Variants in ZNF513 observed in about 807,000 individuals in gnomAD.
ZNF513 encodes the protein zinc finger protein 513.
A neutral mutation model predicts 39.7 loss-of-function variants in ZNF513; 16 were observed. The ratio of observed to expected loss-of-function variants is 0.40; its 90% confidence interval spans 0.27 to 0.61. The LOEUF (loss-of-function observed/expected upper bound fraction) is 0.61. ZNF513 is among the 20% of genes least tolerant of loss of function. The pLI, the probability that ZNF513 is intolerant of heterozygous loss-of-function variation, is 0.39. For synonymous variants in ZNF513, 348 were observed against 296.5 expected (o/e 1.17, Z -1.79); for missense variants, 699 against 743.6 (o/e 0.94, Z 0.70).
At chr2:27,379,145 T>A in intron 2 of ZNF513, 91 bp from the exon 3 acceptor site, 1 of 1,280,918 alleles carries the variant, frequency 7.8e-7, no homozygotes, top group Non-Finnish European at 1.1e-6. Flanking sequence ...CCCACTTGCT[T>A]GGCTCCACCC....
chr2:27,378,855 C>T lies in ZNF513; in HGVS notation c.411G>A (p.Gly137=), dbSNP rs1683481462. Residue 137 remains glycine, a synonymous_variant, in exon 3 of 4, where the codon GGG becomes GGA. Coordinates refer to ENST00000323703, the MANE Select transcript of ZNF513 (RefSeq NM_144631.6). The surrounding 1 kb of genome is among the most constrained non-coding windows in gnomAD (Gnocchi z 8.0). The part of the protein sequence containing the change: ...TGEGPCCGAG[G]PGGGPLLPPR... ...GGGGCAGCAGGGGCCCCCCACCCGG[C>T]CCTCCTGCCCCACAACACGGCCCCT... is the stretch of plus-strand genomic sequence containing the variant. The T allele has an allele frequency of 6.2e-7, 1 of 1,604,976 alleles. No individual in the cohort carries two copies. The highest frequency in any genetic ancestry group is 1.3e-5 in the African/African-American group (1 of 74,732).
Position 27,377,620 on chromosome 2 carries a change from G to A in ZNF513, c.1551C>T (p.Pro517=). The A allele has an allele frequency of 1.2e-6, 2 of 1,614,136 alleles. No homozygotes were observed. Among genetic ancestry groups the A allele is most frequent in the Middle Eastern group, 1.7e-4 (1 of 6,058 alleles). ...GTGGGCCCCGAGAGCTCAAAACAGA[G>A]GGTGGGCTATGAGGTGGGGCCCAGC... ...SEGWAPPHSP[P]SVLSSRGPPA... Residue 517 remains proline (P), a synonymous_variant, in exon 4 of 4, where the codon CCC becomes CCT. Transcript: ENST00000323703. This position sits in a 1 kb window ranked among gnomAD's most constrained non-coding sequence, Gnocchi z 4.4.
Position 27,377,370 on chromosome 2 carries a change from T to G in ZNF513, c.*175A>C. On this transcript the variant is annotated 3_prime_UTR_variant, in exon 4 of 4. Coordinates refer to ENST00000323703, the MANE Select transcript of ZNF513 (RefSeq NM_144631.6). The surrounding 1 kb of genome is among the most constrained non-coding windows in gnomAD (Gnocchi z 4.4). ...GAATACAGGGCCCTTCTCACTGAGC[T>G]CGTGAAGTGCCTCAGTCAAGGCAAG... The G allele has an allele frequency of 1.4e-6, 1 of 739,668 alleles. No individual in the cohort carries two copies. The highest frequency in any genetic ancestry group is 2.4e-6 in the Non-Finnish European group (1 of 419,394). The allele number at this position is 739,668 out of a possible 1,614,324, so 45.8% of individuals were successfully genotyped here.
chr2:27,379,028 G>A lies in ZNF513; in HGVS notation c.238C>T (p.Leu80Phe), dbSNP rs370755297. The change falls in exon 3 of 4, where the codon CTT becomes TTT. Residue 80 changes from leucine (L) to phenylalanine (F), a missense_variant. By Grantham distance (22) the Leu-to-Phe change is conservative. Coordinates refer to ENST00000323703, the MANE Select transcript of ZNF513 (RefSeq NM_144631.6). ...TCATCGTCGCTCAGCCCATAGGGAA[G>A]CCCAGGCCTGGCCCCCAGAGAGTCT... The part of the protein sequence containing the change: ...EGDSLGARPG[L>F]PYGLSDDESG... 5.0e-6 allele frequency: 8 copies of A among 1,612,898 alleles called. No individual in the cohort carries two copies. Among genetic ancestry groups the A allele is most frequent in the Non-Finnish European group, 6.8e-6 (8 of 1,179,972 alleles).
rs1433482541 is a variant in ZNF513, at chr2:27,377,620, G to C, written c.1551C>G (p.Pro517=). The C allele has an allele frequency of 1.2e-6, 2 of 1,614,136 alleles. No individual in the cohort carries two copies. The highest frequency in any genetic ancestry group is 1.3e-5 in the African/African-American group (1 of 75,064). The change falls in exon 4 of 4, where the codon CCC becomes CCG. Residue 517 remains proline (P), a synonymous_variant. Coordinates refer to ENST00000323703, the MANE Select transcript of ZNF513 (RefSeq NM_144631.6). The surrounding 1 kb of genome is among the most constrained non-coding windows in gnomAD (Gnocchi z 4.4). ...SEGWAPPHSP[P]SVLSSRGPPA... ...GTGGGCCCCGAGAGCTCAAAACAGA[G>C]GGTGGGCTATGAGGTGGGGCCCAGC... is the stretch of plus-strand genomic sequence containing the variant.
Position 27,378,010 on chromosome 2 carries a change from G to A in ZNF513, c.1161C>T (p.Pro387=). ...CATAAGGACAGCGGGCGCAGCGGAAGGGCTTCTCACCACTGTGTGTCTTCA... is the reference window on the plus strand; with the variant it reads ...CATAAGGACAGCGGGCGCAGCGGAAAGGCTTCTCACCACTGTGTGTCTTCA... The part of the protein sequence containing the change: ...RHMKTHSGEK[P]FRCARCPYAS... Residue 387 remains proline, a synonymous_variant, in exon 4 of 4, where the codon CCC becomes CCT. Transcript: ENST00000323703. This position sits in a 1 kb window ranked among gnomAD's most constrained non-coding sequence, Gnocchi z 8.0. The A allele has an allele frequency of 1.9e-6, 3 of 1,612,642 alleles. No individual in the cohort carries two copies. Among genetic ancestry groups the A allele is most frequent in the Admixed American group, 1.7e-5 (1 of 59,968 alleles).
rs750366020 is a variant in ZNF513, at chr2:27,379,070, TAAGAA to T, written c.212-21_212-17del. The T allele has an allele frequency of 6.2e-7, 1 of 1,610,640 alleles. No homozygotes were observed. Among genetic ancestry groups the T allele is most frequent in the South Asian group, 1.1e-5 (1 of 90,958 alleles). On this transcript the variant is annotated splice_polypyrimidine_tract_variant and intron_variant, in intron 2 of 3. Transcript: ENST00000323703. Reference sequence around the variant, plus strand: ...AGAGAGTCTCCTGGTGAAATAGACATAAGAAGAGACATCAGCATAGGGTAGGATCA... The same window carrying T: ...AGAGAGTCTCCTGGTGAAATAGACATGAGACATCAGCATAGGGTAGGATCA...
At position 27,378,130 on chromosome 2, in the gene ZNF513, A is replaced by T. The variant is rs200250222; in HGVS notation, c.1041T>A (p.Gly347=). 5 of 1,612,776 alleles carry T rather than the reference A, an allele frequency of 3.1e-6. No homozygotes were observed. Among genetic ancestry groups the T allele is most frequent in the East Asian group, 2.2e-5 (1 of 44,838 alleles). The part of the protein sequence containing the change: ...GRCMRGEAGG[G]ASGGPQGPSD... Reference sequence around the variant, plus strand: ...TGGGGCCCTGGGGCCCCCCACTGGCACCCCCTCCAGCCTCTCCTCGCATGC... The same window carrying T: ...TGGGGCCCTGGGGCCCCCCACTGGCTCCCCCTCCAGCCTCTCCTCGCATGC... The change falls in exon 4 of 4, where the codon GGT becomes GGA. Residue 347 remains glycine, a synonymous_variant. Transcript: ENST00000323703. This position sits in a 1 kb window ranked among gnomAD's most constrained non-coding sequence, Gnocchi z 8.0.
chr2:27,377,361 T>C lies in ZNF513; in HGVS notation c.*184A>G. The stretch of plus-strand genomic sequence containing the variant: ...AGTGGAGGTGAATACAGGGCCCTTC[T>C]CACTGAGCTCGTGAAGTGCCTCAGT... On this transcript the variant is annotated 3_prime_UTR_variant, in exon 4 of 4. Transcript: ENST00000323703. This position sits in a 1 kb window ranked among gnomAD's most constrained non-coding sequence, Gnocchi z 4.4. 1 of 727,878 alleles carries C rather than the reference T, an allele frequency of 1.4e-6. No individual in the cohort carries two copies. Among genetic ancestry groups the C allele is most frequent in the East Asian group, 2.7e-5 (1 of 37,434 alleles). 45.1% of individuals were successfully genotyped at this position (727,878 alleles called of 1,614,324 possible).
At chr2:27,379,951 CAAAT>C (rs749491182) in intron 2 of ZNF513, 138 bp downstream of exon 2, 27 of 1,146,198 alleles carry the variant, frequency 2.4e-5, no homozygotes, top group Non-Finnish European at 3.5e-5. Context: ...GACCATTAAA[CAAAT>C]GAAGTCATCT....
chr2:27,377,437 CTGGTCCTTATAGTGCCTACGTTAGTCTG>C lies in ZNF513; in HGVS notation c.*80_*107del, dbSNP rs1558310171. 7.8e-7 allele frequency: 1 copy of C among 1,275,548 alleles called. No homozygotes were observed. The highest frequency in any genetic ancestry group is 1.2e-5 in the South Asian group (1 of 81,218). The allele number at this position is 1,275,548 out of a possible 1,614,324, so 79.0% of individuals were successfully genotyped here. On this transcript the variant is annotated 3_prime_UTR_variant, in exon 4 of 4. Transcript: ENST00000323703. This position sits in a 1 kb window ranked among gnomAD's most constrained non-coding sequence, Gnocchi z 4.4. ...GGGCCCCCCCGCCCATGGGGTTGGGCTGGTCCTTATAGTGCCTACGTTAGTCTGTGTGGAGCCCCTGGCCAGCGGGGGA... is the reference window on the plus strand; with the variant it reads ...GGGCCCCCCCGCCCATGGGGTTGGGCTGTGGAGCCCCTGGCCAGCGGGGGA...
chr2:27,378,298 C>T lies in ZNF513; in HGVS notation c.873G>A (p.Gln291=). The part of the protein sequence containing the change: ...GGASFLPDCG[Q]LRGEGEGLCG... ...AGAGGCCCTCCCCTTCACCCCGCAGCTGCCCACAGTCTGGCAGGAAACTGG... is the reference window on the plus strand; with the variant it reads ...AGAGGCCCTCCCCTTCACCCCGCAGTTGCCCACAGTCTGGCAGGAAACTGG... Residue 291 remains glutamine (Q), a synonymous_variant, in exon 4 of 4, where the codon CAG becomes CAA. Transcript: ENST00000323703. The surrounding 1 kb of genome is among the most constrained non-coding windows in gnomAD (Gnocchi z 8.0). 6.2e-7 allele frequency: 1 copy of T among 1,600,992 alleles called. No individual in the cohort carries two copies. The highest frequency in any genetic ancestry group is 1.1e-5 in the South Asian group (1 of 91,090).
At position 27,378,369 on chromosome 2, in the gene ZNF513, C is replaced by T; in HGVS notation, c.802G>A (p.Ala268Thr). ...AGGCTCAAATCTGGAAGGAGCAGAG[C>T]ATCTGTGGGGACAAAGACCTGGGCT... is the stretch of plus-strand genomic sequence containing the variant. ...EGAVPRRPED[A>T]LLLPDLSLHV... Residue 268 changes from alanine to threonine, a missense_variant and splice_region_variant, in exon 4 of 4, where the codon GCT becomes ACT. This residue lies in a region of ZNF513 where 530 missense variants were observed against 499.3 expected (regional missense o/e 1.06). Coordinates refer to ENST00000323703, the MANE Select transcript of ZNF513 (RefSeq NM_144631.6). This position sits in a 1 kb window ranked among gnomAD's most constrained non-coding sequence, Gnocchi z 8.0. 3 of 1,604,550 alleles carry T rather than the reference C, an allele frequency of 1.9e-6. No individual in the cohort carries two copies. Among genetic ancestry groups the T allele is most frequent in the Non-Finnish European group, 2.5e-6 (3 of 1,179,962 alleles).
chr2:27,378,696 G>A lies in ZNF513; in HGVS notation c.570C>T (p.Leu190=), dbSNP rs375241916. The A allele has an allele frequency of 1.9e-5, 30 of 1,613,688 alleles. No individual in the cohort carries two copies. Among genetic ancestry groups the A allele is most frequent in the South Asian group, 4.4e-5 (4 of 91,088 alleles). Residue 190 remains leucine, a synonymous_variant, in exon 3 of 4, where the codon CTC becomes CTT. Coordinates refer to ENST00000323703, the MANE Select transcript of ZNF513 (RefSeq NM_144631.6). This position sits in a 1 kb window ranked among gnomAD's most constrained non-coding sequence, Gnocchi z 8.0. The part of the protein sequence containing the change: ...CGRCPYASAQ[L]VNLTRHTRTH... ...TGCGGGTATGTCGTGTCAGGTTGAC[G>A]AGCTGGGCTGAGGCGTAGGGGCAGC... is the stretch of plus-strand genomic sequence containing the variant.
Position 27,378,950 on chromosome 2 carries a change from TGG to T in ZNF513, c.314_315del (p.Ala105GlufsTer9). On this transcript the variant is annotated frameshift_variant, in exon 3 of 4. Coordinates refer to ENST00000323703, the MANE Select transcript of ZNF513 (RefSeq NM_144631.6). LOFTEE classifies it high-confidence loss of function. This position sits in a 1 kb window ranked among gnomAD's most constrained non-coding sequence, Gnocchi z 8.0. ...LSAESEVEEP[A>X]RGPGEARGER... ...TCACCCCTGGCCTCCCCTGGACCCC[TGG>T]CTGGCTCCTCAACTTCACTCTCCGC... 6.2e-7 allele frequency: 1 copy of T among 1,611,710 alleles called. No homozygotes were observed. Among genetic ancestry groups the T allele is most frequent in the Non-Finnish European group, 8.5e-7 (1 of 1,178,986 alleles).
rs962394772 is a variant in ZNF513, at chr2:27,377,385, G to C, written c.*160C>G. On this transcript the variant is annotated 3_prime_UTR_variant, in exon 4 of 4. Transcript: ENST00000323703. The surrounding 1 kb of genome is among the most constrained non-coding windows in gnomAD (Gnocchi z 4.4). ...CTCACTGAGCTCGTGAAGTGCCTCA[G>C]TCAAGGCAAGGTCCCCTGGTCCATA... The C allele has an allele frequency of 1.3e-6, 1 of 797,170 alleles. No homozygotes were observed. Among genetic ancestry groups the C allele is most frequent in the Non-Finnish European group, 2.1e-6 (1 of 471,586 alleles). The allele number at this position is 797,170 out of a possible 1,614,324, so 49.4% of individuals were successfully genotyped here.
rs562063271 is a variant in ZNF513 at position 27,377,457 on chromosome 2, G to A, written c.*88C>T. 2.2e-5 allele frequency: 31 copies of A among 1,440,500 alleles called. 1 individual carries two copies. The highest frequency in any genetic ancestry group is 2.0e-4 in the South Asian group (17 of 86,548). 89.2% of individuals were successfully genotyped at this position (1,440,500 alleles called of 1,614,324 possible). A position where few individuals can be genotyped will look rare whatever the true frequency, so the allele number is the denominator to read the frequency against. On this transcript the variant is annotated 3_prime_UTR_variant, in exon 4 of 4. Coordinates refer to ENST00000323703, the MANE Select transcript of ZNF513 (RefSeq NM_144631.6). This position sits in a 1 kb window ranked among gnomAD's most constrained non-coding sequence, Gnocchi z 4.4. ...TTGGGCTGGTCCTTATAGTGCCTAC[G>A]TTAGTCTGTGTGGAGCCCCTGGCCA... is the stretch of plus-strand genomic sequence containing the variant.
At chr2:27,379,211 A>T (rs112742231) in intron 2 of ZNF513, among the ~76,000 whole-genome samples, 157 bp from the exon 3 acceptor site, 2 of 152,292 alleles carry the variant, frequency 1.3e-5, no homozygotes, top group African/African-American at 4.8e-5. Flanking sequence ...CCCCTGCAGT[A>T]ATTCCAGAAA....
chr2:27,378,244 C>T lies in ZNF513; in HGVS notation c.927G>A (p.Glu309=), dbSNP rs570663121. Residue 309 remains glutamate, a synonymous_variant, in exon 4 of 4, where the codon GAG becomes GAA. Transcript: ENST00000323703. The surrounding 1 kb of genome is among the most constrained non-coding windows in gnomAD (Gnocchi z 8.0). The part of the protein sequence containing the change: ...LCGTGSEPLP[E]LLFPWTCRGC... ...CCCGGCAGGTCCAAGGGAATAGCAG[C>T]TCTGGCAGTGGTTCTGATCCAGTCC... 9 of 1,602,866 alleles carry T rather than the reference C, an allele frequency of 5.6e-6. No individual in the cohort carries two copies. The Admixed American group carries it at 1.2e-4, about 21-fold the overall frequency.
Sources: gnomAD v4.1 joint callset for allele counts (sites outside exome capture counted in the v4.1 genomes callset) on GRCh38, gnomAD v4.1.1 for gene constraint, gnomAD v4.1.1 regional missense constraint, Gnocchi (gnomAD v3.1) non-coding constraint, MANE v1.5 for transcripts, NCBI Gene and HGNC (gene_info 2026-07-23, HGNC 2026-07-21) for gene names.